DPP8: variants seen among roughly 807,000 people sequenced by gnomAD.
The protein encoded by DPP8 is dipeptidyl peptidase 8.
A neutral mutation model predicts 107.5 loss-of-function variants in DPP8; 31 were observed. The observed-to-expected ratio is 0.29, with a 90% CI of 0.22 to 0.39. DPP8 has a LOEUF of 0.39. DPP8 is among the 10% of genes least tolerant of loss of function. The probability of loss-of-function intolerance (pLI) is 1.00; values close to 1 mark genes in which losing one functional copy is unlikely to be tolerated. For missense variants in DPP8, 842 were observed against 1,076.1 expected, an observed-to-expected ratio of 0.78 and a Z score of 3.04; for synonymous variants, 381 against 356.6, an observed-to-expected ratio of 1.07 and a Z score of -0.77.
chr15:65,483,575 T>G (rs1409229579), intron 8 of DPP8, among the ~76,000 whole-genome samples: 1 of 142,272 alleles, frequency 7.0e-6, no homozygotes, highest in African/African-American at 2.8e-5. Context: ...GGCTGGAGAC[T>G]TTTCTTCAAA....
rs2067658735 is a variant in DPP8, at chr15:65,488,527, G to C, written c.827-709C>G. On this transcript the variant is annotated intron_variant, in intron 6 of 19. Coordinates refer to ENST00000300141, the MANE Select transcript of DPP8 (RefSeq NM_130434.5). ...AGAGGCTGAGGTGAGAGGATTGCTT[G>C]AGCCCGGGAGGCAGACTTTGCAGTG... Among the ~76,000 whole-genome samples the C allele has an allele frequency of 6.2e-5, 9 of 146,114 alleles. No individual in the cohort carries two copies. The Admixed American group carries it at 6.3e-4, about 10-fold the overall frequency.
At chr15:65,462,944 T>A (rs2065041604) in intron 15 of DPP8, among the ~76,000 whole-genome samples, 1 of 152,122 alleles carries the variant, frequency 6.6e-6, no homozygotes, top group Non-Finnish European at 1.5e-5. Flanking sequence ...TAATCCAGAA[T>A]AAGGAAAATC....
chr15:65,454,231 T>C (rs1404419893), intron 17 of DPP8, 32 bp downstream of exon 17: 4 of 1,428,822 alleles, frequency 2.8e-6, no homozygotes, highest in Non-Finnish European at 3.7e-6. Flanking sequence ...CTACCCTTAT[T>C]GCAAAAATGA....
At chr15:65,464,164 C>T (rs866860881) in intron 14 of DPP8, among the ~76,000 whole-genome samples, 20 of 151,840 alleles carry the variant, frequency 1.3e-4, no homozygotes, top group Admixed American at 5.9e-4. Flanking sequence ...GAGTTTGAGA[C>T]CATCCTGGCT....
intron 1 of DPP8, among the ~76,000 whole-genome samples, chr15:65,513,325 G>A (rs1002646103): frequency 1.6e-4 from 25 of 151,856 alleles, no homozygotes; most frequent in Admixed American, 1.4e-3. Flanking sequence ...GCCATTCTCT[G>A]CCTTAGCCTC....
Position 65,480,356 on chromosome 15 carries a change from T to C in DPP8, c.1162A>G (p.Ile388Val), listed in dbSNP as rs780325960. 2 of 1,613,638 alleles carry C rather than the reference T, an allele frequency of 1.2e-6. No individual in the cohort carries two copies. Among genetic ancestry groups the C allele is most frequent in the South Asian group, 1.1e-5 (1 of 91,064 alleles). ...LLDRSQTRLQ[I>V]VLISPELFIP... is the part of the protein sequence containing the mutation. ...AATAATTCAGGTGAGATCAACACTATCTGTAGGCGAGTCTGGGAGCGATCT... is the reference window on the plus strand; with the variant it reads ...AATAATTCAGGTGAGATCAACACTACCTGTAGGCGAGTCTGGGAGCGATCT... Residue 388 changes from isoleucine (I) to valine (V), a missense_variant, in exon 10 of 20, where the codon ATA (isoleucine) becomes GTA (valine). Physicochemically the swap from Ile to Val is conservative, Grantham distance 29 (BLOSUM62 3). Around this residue, in one of 2 missense-constraint regions of DPP8, gnomAD observed 663 missense variants for 758.0 expected, o/e 0.87. Coordinates refer to ENST00000300141, the MANE Select transcript of DPP8 (RefSeq NM_130434.5).
intron 3 of DPP8, among the ~76,000 whole-genome samples, chr15:65,505,640 AAAT>A (rs2141042917): frequency 6.6e-6 from 1 of 152,230 alleles, no homozygotes; most frequent in Admixed American, 6.5e-5. Flanking sequence ...TGTTCATGAC[AAAT>A]AGTTGGAGTG....
intron 12 of DPP8, among the ~76,000 whole-genome samples, chr15:65,473,168 T>TA (rs1478297458): frequency 6.6e-6 from 1 of 151,166 alleles, no homozygotes; most frequent in Non-Finnish European, 1.5e-5. Context: ...CTCCTAAAAA[T>TA]ACAAAAATTA....
chr15:65,471,804 T>TA (rs1238621807), intron 12 of DPP8, among the ~76,000 whole-genome samples: 2 of 152,260 alleles, frequency 1.3e-5, no homozygotes, highest in African/African-American at 4.8e-5. Flanking sequence ...CTAAAGTTTT[T>TA]ACTAACAAAA....
chr15:65,451,165 A>G, intron 18 of DPP8, 55 bp from the exon 19 acceptor site: 3 of 1,010,734 alleles, frequency 3.0e-6, no homozygotes, highest in Non-Finnish European at 4.7e-6. Context: ...ATTTGGGAAA[A>G]CCATTTCACT....
At chr15:65,481,701 A>G (rs924952900) in intron 8 of DPP8, 86 bp from the exon 9 acceptor site, 1 of 820,232 alleles carries the variant, frequency 1.2e-6, no homozygotes, top group African/African-American at 1.8e-5. Flanking sequence ...AATTTATCCA[A>G]AAAGCAGAAA....
At chr15:65,458,754 T>A (rs1595877331) in intron 15 of DPP8, 1 of 152,220 alleles carries the variant, frequency 6.6e-6, no homozygotes, top group Admixed American at 6.5e-5. Context: ...TGTTTCAACA[T>A]ATTTCCACTT....
intron 2 of DPP8, among the ~76,000 whole-genome samples, chr15:65,509,892 G>A (rs1007335754): frequency 6.6e-6 from 1 of 151,964 alleles, no homozygotes; most frequent in Non-Finnish European, 1.5e-5. Context: ...ATAGTGGTAT[G>A]TGCCTATAGT....
At chr15:65,500,132 C>A (rs551717205) in intron 4 of DPP8, among the ~76,000 whole-genome samples, 1 of 152,074 alleles carries the variant, frequency 6.6e-6, no homozygotes, top group East Asian at 1.9e-4. Flanking sequence ...AAAATTATCT[C>A]CTAAGGCTGG....
intron 14 of DPP8, among the ~76,000 whole-genome samples, chr15:65,465,698 G>A (rs2140480760): frequency 6.6e-6 from 1 of 151,738 alleles, no homozygotes; most frequent in African/African-American, 2.4e-5. Context: ...TGGGACTACA[G>A]GCGTGTACCA....
At position 65,500,980 on chromosome 15, in the gene DPP8, C is replaced by T. The variant is rs1046958346; in HGVS notation, c.373-201G>A. On this transcript the variant is annotated intron_variant, in intron 3 of 19. Transcript: ENST00000300141. The stretch of plus-strand genomic sequence containing the variant: ...GCAAGCTCTGCCTCCCGGGTTCACA[C>T]CATTCTCCTGCCTCAGCCTTCCTAG... Among the ~76,000 whole-genome samples, 5 of 150,964 alleles carry T rather than the reference C, an allele frequency of 3.3e-5. No individual in the cohort carries two copies. The Admixed American group carries it at 3.3e-4, about 10-fold the overall frequency.
At chr15:65,508,456 A>G (rs996450724) in intron 2 of DPP8, among the ~76,000 whole-genome samples, 1 of 152,190 alleles carries the variant, frequency 6.6e-6, no homozygotes, top group Non-Finnish European at 1.5e-5. Context: ...AGGTCACAGC[A>G]GTGTAGAGTG....
At chr15:65,498,166 A>G in intron 4 of DPP8, 134 bp from the exon 5 acceptor site, 1 of 594,052 alleles carries the variant, frequency 1.7e-6, no homozygotes, top group Non-Finnish European at 2.6e-6. Context: ...TTACGCCTGT[A>G]ATCCCAGCAC....
intron 14 of DPP8, 106 bp downstream of exon 14, chr15:65,466,572 T>G: frequency 1.0e-6 from 1 of 1,004,916 alleles, no homozygotes; most frequent in Admixed American, 1.9e-5. Flanking sequence ...CAGGCAGTGG[T>G]GAGAGATGGA....
Sources: allele counts gnomAD v4.1 joint callset (sites outside exome capture counted in the v4.1 genomes callset), GRCh38; gene constraint gnomAD v4.1.1; regional missense constraint gnomAD v4.1.1; transcripts MANE v1.5; gene names NCBI Gene and HGNC (gene_info 2026-07-23, HGNC 2026-07-21).